Variants in ZEB1 observed in about 807,000 individuals in gnomAD.
The protein encoded by ZEB1 is zinc finger E-box-binding homeobox 1.
A neutral mutation model predicts 84.9 loss-of-function variants in ZEB1; 21 were observed. The ratio of observed to expected loss-of-function variants is 0.25; its 90% CI spans 0.18 to 0.36. ZEB1 has a LOEUF of 0.36. Among genes scored for constraint, ZEB1 ranks in the 10% least tolerant of loss-of-function variants. The pLI is 1.00. For synonymous variants in ZEB1, 420 were observed against 471.1 expected (o/e 0.89, Z 1.41); for missense variants, 1,104 against 1,330.2 (o/e 0.83, Z 2.65).
intron 1 of ZEB1, among the ~76,000 whole-genome samples, chr10:31,424,509 A>G (rs1338362436): frequency 6.6e-6 from 1 of 151,978 alleles, no homozygotes; most frequent in African/African-American, 2.4e-5. Context: ...TATTTGAGTA[A>G]TACACAGTTC....
chr10:31,463,468 T>A (rs1330493565), intron 2 of ZEB1, among the ~76,000 whole-genome samples: 1 of 152,198 alleles, frequency 6.6e-6, no homozygotes, highest in East Asian at 1.9e-4. Context: ...TACATTTGCC[T>A]AGCCAGTGAA....
chr10:31,364,391 G>A (rs1329285761), intron 1 of ZEB1, among the ~76,000 whole-genome samples: 6 of 152,290 alleles, frequency 3.9e-5, no homozygotes, highest in Admixed American at 1.3e-4. Flanking sequence ...TCCACCTGGC[G>A]CCTGGCCCAG....
chr10:31,448,205 T>A (rs377283800), intron 1 of ZEB1, among the ~76,000 whole-genome samples: 1 of 131,786 alleles, frequency 7.6e-6, no homozygotes, highest in Non-Finnish European at 1.6e-5. Context: ...TTGATCGCAT[T>A]GGCTCCTGAG....
intron 1 of ZEB1, among the ~76,000 whole-genome samples, chr10:31,344,356 T>C (rs1298551357): frequency 2.0e-5 from 3 of 152,076 alleles, no homozygotes; most frequent in Non-Finnish European, 4.4e-5. Context: ...TTTGGTAATT[T>C]TGACAATTTG....
rs2072431726 is a variant in ZEB1 at position 31,521,739 on chromosome 10, A to G, written c.2407A>G (p.Ile803Val). 15 of 1,614,112 alleles carry G rather than the reference A, an allele frequency of 9.3e-6. No individual in the cohort carries two copies. In the East Asian group the frequency reaches 3.3e-4, roughly 36 times the overall value. Residue 803 changes from isoleucine to valine, a missense_variant, in exon 7 of 9, where the codon ATC (isoleucine) becomes GTC (valine). Ile to Val is a conservative substitution (Grantham distance 29, BLOSUM62 3). Coordinates refer to ENST00000424869, the MANE Select transcript of ZEB1 (RefSeq NM_001174096.2). ...CCCACCAAGTGCCAACCCCATAAAT[A>G]TCGCTATACCTACAGTCACTGCCCA... ...VIPPSANPIN[I>V]AIPTVTAQLP...
intron 1 of ZEB1, among the ~76,000 whole-genome samples, chr10:31,443,574 C>T: frequency 8.0e-6 from 1 of 125,278 alleles, no homozygotes; most frequent in South Asian, 3.0e-4. Context: ...CCCCCCACCC[C>T]ACAACAGTCC....
rs1019033217 is a variant in ZEB1, at chr10:31,529,200, G to C, written c.*1936G>C. 5 of 152,174 alleles carry C rather than the reference G, an allele frequency of 3.3e-5. No homozygotes were observed. The highest frequency in any genetic ancestry group is 3.3e-4 in the Admixed American group (5 of 15,272). The allele number at this position is 152,174 out of a possible 1,614,324, so 9.4% of individuals were successfully genotyped here. A position where few individuals can be genotyped will look rare whatever the true frequency, so the allele number is the denominator to read the frequency against. On this transcript the variant is annotated 3_prime_UTR_variant, in exon 9 of 9. Transcript: ENST00000424869. ...CACAATAAAATGCATCAACAAGCCT[G>C]AACTGCTGTCATTCTTTTCATCATT...
At position 31,526,892 on chromosome 10, in the gene ZEB1, A is replaced by G. The variant is rs1483894532; in HGVS notation, c.3006A>G (p.Ala1002=). 1.2e-6 allele frequency: 2 copies of G among 1,614,086 alleles called. No homozygotes were observed. The highest frequency in any genetic ancestry group is 1.7e-6 in the Non-Finnish European group (2 of 1,180,052). The change falls in exon 9 of 9, where the codon GCA becomes GCG. Residue 1002 remains alanine, a synonymous_variant. Transcript: ENST00000424869. Reference sequence around the variant, plus strand: ...GTGACAGCACAGAGCAGGAAGAGGCAGGGCCTGAAATCCTCTCGAATGAGC... The same window carrying G: ...GTGACAGCACAGAGCAGGAAGAGGCGGGGCCTGAAATCCTCTCGAATGAGC... ...EERDSTEQEE[A]GPEILSNEHV...
At chr10:31,372,234 G>T (rs2045847699) in intron 1 of ZEB1, among the ~76,000 whole-genome samples, 1 of 151,870 alleles carries the variant, frequency 6.6e-6, no homozygotes, top group Non-Finnish European at 1.5e-5. Flanking sequence ...TTGTATTTTT[G>T]CTAAAGACTT....
intron 2 of ZEB1, among the ~76,000 whole-genome samples, chr10:31,486,498 G>A (rs1432835607): frequency 1.3e-5 from 2 of 151,140 alleles, no homozygotes; most frequent in African/African-American, 2.4e-5. Context: ...ATTTTATCAT[G>A]TGTTTATTAT....
At chr10:31,387,637 C>G (rs1439286821) in intron 1 of ZEB1, 2 of 567,872 alleles carry the variant, frequency 3.5e-6, no homozygotes. Context: ...AATCTAGTGA[C>G]ATAATAGCTT....
intron 1 of ZEB1, among the ~76,000 whole-genome samples, chr10:31,427,881 A>C (rs368309803): frequency 6.7e-6 from 1 of 148,734 alleles, no homozygotes; most frequent in Non-Finnish European, 1.5e-5. Flanking sequence ...AAGGCAATGA[A>C]TCTCTAATGG....
At chr10:31,511,944 T>G (rs911665465) in intron 5 of ZEB1, among the ~76,000 whole-genome samples, 1 of 152,014 alleles carries the variant, frequency 6.6e-6, no homozygotes, top group Non-Finnish European at 1.5e-5. Flanking sequence ...TCAGGGAGAA[T>G]AGAACCAAGA....
chr10:31,464,092 G>T (rs549362912), intron 2 of ZEB1, among the ~76,000 whole-genome samples: 2 of 152,096 alleles, frequency 1.3e-5, no homozygotes, highest in Non-Finnish European at 2.9e-5. Flanking sequence ...TGAATAGTAG[G>T]AATTTGAAAT....
At chr10:31,495,686 A>G (rs1018373642) in intron 2 of ZEB1, 90 bp from the exon 3 acceptor site, 1 of 1,313,522 alleles carries the variant, frequency 7.6e-7, no homozygotes, top group Non-Finnish European at 1.1e-6. Context: ...ATCAGATCAG[A>G]GTAATTGGGA....
rs770735081 is a variant in ZEB1 at position 31,461,136 on chromosome 10, G to T, written c.158G>T (p.Cys53Phe). The T allele has an allele frequency of 6.2e-7, 1 of 1,613,600 alleles. No individual in the cohort carries two copies. The highest frequency in any genetic ancestry group is 8.5e-7 in the Non-Finnish European group (1 of 1,179,732). The stretch of plus-strand genomic sequence containing the variant: ...GAAAGTGTTACAGATGCAGCTGACT[G>T]TGAAGGTGTACCAGAGGATGACCTG... ...EEESVTDAAD[C>F]EGVPEDDLPT... The change falls in exon 2 of 9, where the codon TGT becomes TTT. Residue 53 changes from cysteine to phenylalanine, a missense_variant. Transcript: ENST00000424869.
intron 2 of ZEB1, among the ~76,000 whole-genome samples, chr10:31,482,515 G>T (rs538616115): frequency 6.6e-6 from 1 of 151,894 alleles, no homozygotes; most frequent in Admixed American, 6.6e-5. Flanking sequence ...CTGGAAAAGG[G>T]CAAATAAGGT....
At position 31,387,802 on chromosome 10, in the gene ZEB1, T is replaced by C. The variant is rs2048892921; in HGVS notation, c.58+68510T>C. The C allele has an allele frequency of 5.1e-6, 5 of 978,340 alleles. No individual in the cohort carries two copies. In the Admixed American group the frequency reaches 2.5e-4, roughly 48 times the overall value. 60.6% of individuals were successfully genotyped at this position (978,340 alleles called of 1,614,324 possible). A position where few individuals can be genotyped will look rare whatever the true frequency, so the allele number is the denominator to read the frequency against. On this transcript the variant is annotated intron_variant, in intron 1 of 8. Transcript: ENST00000424869. ...AAGGTCATCTAATCTTTAAAAGGTA[T>C]GTAATCATAAAATTTTTTATGTCAG...
At chr10:31,349,561 T>C (rs941506798) in intron 1 of ZEB1, among the ~76,000 whole-genome samples, 20 of 152,196 alleles carry the variant, frequency 1.3e-4, no homozygotes, top group African/African-American at 4.8e-4. Context: ...TTTCCTTCTC[T>C]CTGCATCCTC....
Sources: allele counts gnomAD v4.1 joint callset (sites outside exome capture counted in the v4.1 genomes callset), GRCh38; gene constraint gnomAD v4.1.1; transcripts MANE v1.5; gene names NCBI Gene and HGNC (gene_info 2026-07-23, HGNC 2026-07-21).